Variants in CHD3 observed in about 807,000 individuals in gnomAD.
CHD3 encodes the protein ATP-dependent chromatin remodeler CHD3.
In CHD3, 52 loss-of-function variants were observed where a neutral mutation model predicts 248.9. The ratio of observed to expected loss-of-function variants is 0.21; its 90% CI spans 0.17 to 0.26. The LOEUF (loss-of-function observed/expected upper bound fraction) is 0.26. CHD3 is among the 10% of genes least tolerant of loss of function. The pLI is 1.00. For missense variants in CHD3, 1,482 were observed against 2,605.8 expected, an observed-to-expected ratio of 0.57 and a Z score of 9.39; for synonymous variants, 985 against 985.2, an observed-to-expected ratio of 1.00 and a Z score of 0.00.
Position 7,907,604 on chromosome 17 carries a change from C to A in CHD3, c.4928C>A (p.Thr1643Lys). 2 of 1,512,172 alleles carry A rather than the reference C, an allele frequency of 1.3e-6. No individual in the cohort carries two copies. Among genetic ancestry groups the A allele is most frequent in the Admixed American group, 2.5e-5 (1 of 39,406 alleles). 93.7% of individuals were successfully genotyped at this position (1,512,172 alleles called of 1,614,324 possible). Reference protein sequence around the residue: ...GYRGDREKSATESTPGERGEE... With the variant: ...GYRGDREKSAKESTPGERGEE... Reference sequence around the variant, plus strand: ...TATCCCCTACCCCCTCCCACAGCCACAGAGTCGACGCCAGGAGAAAGGGGG... The same window carrying A: ...TATCCCCTACCCCCTCCCACAGCCAAAGAGTCGACGCCAGGAGAAAGGGGG... The change falls in exon 33 of 40, where the codon ACA becomes AAA. Residue 1643 changes from threonine (T) to lysine (K), a missense_variant. This residue lies in a region of CHD3 where 254 missense variants were observed against 266.7 expected (regional missense o/e 0.95). Transcript: ENST00000330494. The surrounding 1 kb of genome is among the most constrained non-coding windows in gnomAD (Gnocchi z 4.3).
Position 7,893,304 on chromosome 17 carries a change from G to T in CHD3, c.528G>T (p.Lys176Asn). 6.2e-7 allele frequency: 1 copy of T among 1,611,498 alleles called. No individual in the cohort carries two copies. Among genetic ancestry groups the T allele is most frequent in the Non-Finnish European group, 8.5e-7 (1 of 1,178,468 alleles). Residue 176 changes from lysine to asparagine, a missense_variant, in exon 5 of 40, where the codon AAG becomes AAT. Lys to Asn is a moderately conservative substitution (Grantham distance 94, BLOSUM62 0). Coordinates refer to ENST00000330494, the MANE Select transcript of CHD3 (RefSeq NM_001005273.3). Reference protein sequence around the residue: ...SQFMRPLIAKKNPKIPMSKMM... With the variant: ...SQFMRPLIAKNNPKIPMSKMM... ...TTTACAGGCCCCTAATTGCTAAGAA[G>T]AATCCTAAGATCCCAATGTCTAAGA...
rs1029232896 is a variant in CHD3, at chr17:7,889,503, C to T, written c.101-161C>T. 6.6e-6 allele frequency among the ~76,000 whole-genome samples: 1 copy of T among 152,176 alleles called. No individual in the cohort carries two copies. Among genetic ancestry groups the T allele is most frequent in the Non-Finnish European group, 1.5e-5 (1 of 68,034 alleles). ...CAGAACCAGAGCATCCCAGAGTACT[C>T]GAAACACTTTCTGTTTGCATCCAGT... On this transcript the variant is annotated intron_variant, in intron 1 of 39. Coordinates refer to ENST00000330494, the MANE Select transcript of CHD3 (RefSeq NM_001005273.3). The surrounding 1 kb of genome is among the most constrained non-coding windows in gnomAD (Gnocchi z 4.5).
In CHD3 at chr17:7,900,541, T is replaced by G; in HGVS notation, c.2805-17T>G. 1 of 1,610,120 alleles carries G rather than the reference T, an allele frequency of 6.2e-7. No individual in the cohort carries two copies. Among genetic ancestry groups the G allele is most frequent in the Non-Finnish European group, 8.5e-7 (1 of 1,176,732 alleles). On this transcript the variant is annotated splice_polypyrimidine_tract_variant and intron_variant, in intron 17 of 39. Coordinates refer to ENST00000330494, the MANE Select transcript of CHD3 (RefSeq NM_001005273.3). The surrounding 1 kb of genome is among the most constrained non-coding windows in gnomAD (Gnocchi z 6.5). ...GAACTTGCCGACCTGTTAATTTTCT[T>G]CTCTTCTGGCTCTTAGCAACTTGGA...
Position 7,903,368 on chromosome 17 carries a change from G to A in CHD3, c.3592G>A (p.Ala1198Thr). 6.2e-7 allele frequency: 1 copy of A among 1,614,200 alleles called. No homozygotes were observed. Among genetic ancestry groups the A allele is most frequent in the Non-Finnish European group, 8.5e-7 (1 of 1,180,042 alleles). Residue 1198 changes from alanine to threonine, a missense_variant, in exon 23 of 40, where the codon GCC becomes ACC. By Grantham distance (58) the Ala-to-Thr change is moderately conservative. Around this residue, in one of 20 missense-constraint regions of CHD3, gnomAD observed 156 missense variants for 420.3 expected, o/e 0.37. Coordinates refer to ENST00000330494, the MANE Select transcript of CHD3 (RefSeq NM_001005273.3). The surrounding 1 kb of genome is among the most constrained non-coding windows in gnomAD (Gnocchi z 6.8). ...AGTGGAAGAGCGAATCACACAAGTGGCCAAGAGAAAGATGATGCTGACACA... is the reference window on the plus strand; with the variant it reads ...AGTGGAAGAGCGAATCACACAAGTGACCAAGAGAAAGATGATGCTGACACA... The part of the protein sequence containing the change: ...ASVEERITQV[A>T]KRKMMLTHLV...
chr17:7,892,096 A>G (rs942867183), intron 4 of CHD3, among the ~76,000 whole-genome samples: 7 of 152,218 alleles, frequency 4.6e-5, no homozygotes, highest in African/African-American at 2.4e-5. Flanking sequence ...AAAGCACAGT[A>G]CCGTCAGTGC....
At position 7,888,896 on chromosome 17, in the gene CHD3, C is replaced by A; in HGVS notation, c.-105C>A. 2 of 1,558,350 alleles carry A rather than the reference C, an allele frequency of 1.3e-6. No individual in the cohort carries two copies. Among genetic ancestry groups the A allele is most frequent in the Non-Finnish European group, 1.7e-6 (2 of 1,153,492 alleles). ...ATCGGGAAACAAAGGGTATGGCCCC[C>A]TAGTTCCCAAAGGGAGCAGGGAGAT... On this transcript the variant is annotated 5_prime_UTR_variant, in exon 1 of 40. Transcript: ENST00000330494.
Position 7,911,541 on chromosome 17 carries a change from C to T in CHD3, c.5959C>T (p.Arg1987Trp), listed in dbSNP as rs752010370. ...VGALVSDGLD[R>W]KEPRAGEVIC... ...GGCATTGGTGTCAGACGGGCTGGAT[C>T]GGAAGGAGCCCCGAGCCGGGGAGGT... Residue 1987 changes from arginine to tryptophan, a missense_variant, in exon 40 of 40, where the codon CGG (arginine) becomes TGG (tryptophan). By Grantham distance (101) the Arg-to-Trp change is moderately radical. Around this residue, in one of 20 missense-constraint regions of CHD3, gnomAD observed 117 missense variants for 137.2 expected, o/e 0.85. Transcript: ENST00000330494. The surrounding 1 kb of genome is among the most constrained non-coding windows in gnomAD (Gnocchi z 5.4). The T allele has an allele frequency of 8.7e-6, 14 of 1,614,078 alleles. No homozygotes were observed. Among genetic ancestry groups the T allele is most frequent in the East Asian group, 4.5e-5 (2 of 44,888 alleles).
rs553487892 is a variant in CHD3 at position 7,911,696 on chromosome 17, C to T, written c.*111C>T. The T allele has an allele frequency of 1.3e-6, 2 of 1,579,872 alleles. No individual in the cohort carries two copies. The highest frequency in any genetic ancestry group is 2.7e-5 in the African/African-American group (2 of 74,112). On this transcript the variant is annotated 3_prime_UTR_variant, in exon 40 of 40. Transcript: ENST00000330494. This position sits in a 1 kb window ranked among gnomAD's most constrained non-coding sequence, Gnocchi z 5.4. The stretch of plus-strand genomic sequence containing the variant: ...ACCTTCCCCACCCCTTGGGCCATCA[C>T]TGGGCTAGGAACCCCTTTGCCCCTC...
intron 10 of CHD3, among the ~76,000 whole-genome samples, chr17:7,896,384 T>A (rs977462113): frequency 1.3e-5 from 2 of 151,426 alleles, no homozygotes; most frequent in African/African-American, 4.8e-5. Context: ...TTATCTCTAA[T>A]CCATCCTTTT....
At chr17:7,902,870 A>C in intron 21 of CHD3, 67 bp from the exon 22 acceptor site, 1 of 1,594,730 alleles carries the variant, frequency 6.3e-7, no homozygotes, top group South Asian at 1.1e-5. Flanking sequence ...TCATCAGAGA[A>C]CATCTAGGAG....
chr17:7,890,915 C>T (rs1200081165), intron 3 of CHD3, 25 bp from the exon 4 acceptor site: 1 of 1,613,428 alleles, frequency 6.2e-7, no homozygotes, highest in African/African-American at 1.3e-5. Context: ...GGAGCACCTA[C>T]TTCACCAAAG....
chr17:7,908,189 T>C lies in CHD3; in HGVS notation c.5152+170T>C, dbSNP rs1226909272. 6.6e-6 allele frequency among the ~76,000 whole-genome samples: 1 copy of C among 152,234 alleles called. No homozygotes were observed. Among genetic ancestry groups the C allele is most frequent in the African/African-American group, 2.4e-5 (1 of 41,454 alleles). ...TCTAAATCTTTCTTAAGTATCCCTC[T>C]TAACTCCAAAGCTGGCCCTAATCCC... is the stretch of plus-strand genomic sequence containing the variant. On this transcript the variant is annotated intron_variant, in intron 34 of 39. Transcript: ENST00000330494. This position sits in a 1 kb window ranked among gnomAD's most constrained non-coding sequence, Gnocchi z 5.8.
chr17:7,907,776 C>T lies in CHD3; in HGVS notation c.5026+74C>T. ...GAGGTGGAGTCTGGGGAACCGAATG[C>T]TTGGGTCCTGGGCGGGTAGCTGTTT... On this transcript the variant is annotated intron_variant, in intron 33 of 39. Coordinates refer to ENST00000330494, the MANE Select transcript of CHD3 (RefSeq NM_001005273.3). The surrounding 1 kb of genome is among the most constrained non-coding windows in gnomAD (Gnocchi z 4.3). The T allele has an allele frequency of 6.6e-7, 1 of 1,504,044 alleles. No homozygotes were observed. The highest frequency in any genetic ancestry group is 2.4e-5 in the East Asian group (1 of 41,100). 93.2% of individuals were successfully genotyped at this position (1,504,044 alleles called of 1,614,324 possible). A position where few individuals can be genotyped will look rare whatever the true frequency, so the allele number is the denominator to read the frequency against.
chr17:7,912,003 T>G lies in CHD3; in HGVS notation c.*418T>G, dbSNP rs1971721017. 4 of 324,854 alleles carry G rather than the reference T, an allele frequency of 1.2e-5. No homozygotes were observed. Among genetic ancestry groups the G allele is most frequent in the South Asian group, 1.0e-4 (4 of 38,808 alleles). The allele number at this position is 324,854 out of a possible 1,614,324, so 20.1% of individuals were successfully genotyped here. A position where few individuals can be genotyped will look rare whatever the true frequency, so the allele number is the denominator to read the frequency against. ...GCCTTGCCTGGCCTTTAGGAACTTT[T>G]GTGGGGAAGAGAGCTTTGAAGAGAG... On this transcript the variant is annotated 3_prime_UTR_variant, in exon 40 of 40. Transcript: ENST00000330494.
rs1968567313 is a variant in CHD3, at chr17:7,889,834, C to A, written c.213+58C>A. The A allele has an allele frequency of 2.0e-6, 3 of 1,476,990 alleles. No homozygotes were observed. Among genetic ancestry groups the A allele is most frequent in the South Asian group, 2.4e-5 (2 of 83,990 alleles). 91.5% of individuals were successfully genotyped at this position (1,476,990 alleles called of 1,614,324 possible). ...GGCTCAAGAGACCCATTCTCAGAGA[C>A]CTACATTTTCTCTGGTCCTGATTAC... is the stretch of plus-strand genomic sequence containing the variant. On this transcript the variant is annotated intron_variant, in intron 2 of 39. Coordinates refer to ENST00000330494, the MANE Select transcript of CHD3 (RefSeq NM_001005273.3). The surrounding 1 kb of genome is among the most constrained non-coding windows in gnomAD (Gnocchi z 4.5).
At position 7,903,567 on chromosome 17, in the gene CHD3, C is replaced by T. The variant is rs920577309; in HGVS notation, c.3727+64C>T. 7.3e-6 allele frequency: 10 copies of T among 1,373,320 alleles called. No individual in the cohort carries two copies. The highest frequency in any genetic ancestry group is 2.1e-5 in the Admixed American group (1 of 48,070). 85.1% of individuals were successfully genotyped at this position (1,373,320 alleles called of 1,614,324 possible). On this transcript the variant is annotated intron_variant, in intron 23 of 39. Transcript: ENST00000330494. The surrounding 1 kb of genome is among the most constrained non-coding windows in gnomAD (Gnocchi z 6.8). ...TGCTCTCTCAGGAGTACTTATCAGC[C>T]CCCTGGGGAGAGAAAAACAACTCTT...
chr17:7,900,533 A>G lies in CHD3; in HGVS notation c.2805-25A>G. On this transcript the variant is annotated intron_variant, in intron 17 of 39. Transcript: ENST00000330494. The surrounding 1 kb of genome is among the most constrained non-coding windows in gnomAD (Gnocchi z 6.5). The stretch of plus-strand genomic sequence containing the variant: ...GGGGCAAGGAACTTGCCGACCTGTT[A>G]ATTTTCTTCTCTTCTGGCTCTTAGC... 1 of 1,609,748 alleles carries G rather than the reference A, an allele frequency of 6.2e-7. No individual in the cohort carries two copies. The highest frequency in any genetic ancestry group is 8.5e-7 in the Non-Finnish European group (1 of 1,176,498).
At position 7,907,532 on chromosome 17, in the gene CHD3, A is replaced by T; in HGVS notation, c.4924+44A>T. On this transcript the variant is annotated intron_variant, in intron 32 of 39. Coordinates refer to ENST00000330494, the MANE Select transcript of CHD3 (RefSeq NM_001005273.3). This position sits in a 1 kb window ranked among gnomAD's most constrained non-coding sequence, Gnocchi z 4.3. ...GAGTGATGGGGGATTAGAATTTGGG[A>T]TTTCCCTCTTCTGGGGTCAGGGGAT... is the stretch of plus-strand genomic sequence containing the variant. 2 of 1,534,102 alleles carry T rather than the reference A, an allele frequency of 1.3e-6. No homozygotes were observed. Among genetic ancestry groups the T allele is most frequent in the South Asian group, 1.3e-5 (1 of 78,150 alleles).
Position 7,897,127 on chromosome 17 carries a change from G to A in CHD3, c.1752G>A (p.Lys584=), listed in dbSNP as rs750459632. Residue 584 remains lysine, a synonymous_variant, in exon 11 of 40, where the codon AAG becomes AAA. Coordinates refer to ENST00000330494, the MANE Select transcript of CHD3 (RefSeq NM_001005273.3). The surrounding 1 kb of genome is among the most constrained non-coding windows in gnomAD (Gnocchi z 4.8). ...TTATGTATCGAAACTACCAGCGGAAGAATGACATGGATGAGCCCCCACCCC... is the reference window on the plus strand; with the variant it reads ...TTATGTATCGAAACTACCAGCGGAAAAATGACATGGATGAGCCCCCACCCC... ...HLVMYRNYQR[K]NDMDEPPPLD... The A allele has an allele frequency of 1.2e-6, 2 of 1,614,104 alleles. No individual in the cohort carries two copies. The highest frequency in any genetic ancestry group is 2.2e-5 in the East Asian group (1 of 44,904).
Sources: allele counts gnomAD v4.1 joint callset (sites outside exome capture counted in the v4.1 genomes callset), GRCh38; gene constraint gnomAD v4.1.1; regional missense constraint gnomAD v4.1.1; non-coding constraint Gnocchi (gnomAD v3.1); transcripts MANE v1.5; gene names NCBI Gene and HGNC (gene_info 2026-07-23, HGNC 2026-07-21).